DTNA: variants seen among roughly 807,000 people sequenced by gnomAD.
The protein encoded by DTNA is dystrobrevin alpha.
A neutral mutation model predicts 100.7 loss-of-function variants in DTNA; 43 were observed. The observed-to-expected ratio is 0.43, with a 90% CI of 0.33 to 0.55. The LOEUF (loss-of-function observed/expected upper bound fraction) is 0.55, where lower values mean the gene tolerates loss of function less well. Ranked by LOEUF, DTNA falls within the 20% of genes least tolerant of loss-of-function variation. The pLI is 0.04. For missense variants in DTNA, 798 were observed against 953.9 expected, an observed-to-expected ratio of 0.84 and a Z score of 2.15; for synonymous variants, 349 against 347.9, an observed-to-expected ratio of 1.00 and a Z score of -0.04.
At chr18:34,763,397 A>T (rs1018272068) in intron 2 of DTNA, among the ~76,000 whole-genome samples, 2 of 152,230 alleles carry the variant, frequency 1.3e-5, no homozygotes, top group Non-Finnish European at 2.9e-5. Context: ...TAAAAGATTC[A>T]GAAAAGTTCC....
chr18:34,549,792 TTA>T (rs1372272048), intron 1 of DTNA, among the ~76,000 whole-genome samples: 5 of 152,134 alleles, frequency 3.3e-5, no homozygotes, highest in African/African-American at 7.2e-5. Context: ...CTATTGCCTT[TTA>T]TTACTAATGA....
At chr18:34,620,376 G>C (rs2056239651) in intron 1 of DTNA, among the ~76,000 whole-genome samples, 1 of 152,136 alleles carries the variant, frequency 6.6e-6, no homozygotes, top group Non-Finnish European at 1.5e-5. Flanking sequence ...TCATGGAAAT[G>C]GATAATTTGA....
intron 18 of DTNA, among the ~76,000 whole-genome samples, chr18:34,877,074 GTTCCAATTTATAGTACCAGA>G (rs1177571818): frequency 1.3e-5 from 2 of 152,158 alleles, no homozygotes; most frequent in Non-Finnish European, 2.9e-5. Flanking sequence ...CATAGTCTAA[GTTCCAATTTATAGTACCAGA>G]CATGCATCTG....
intron 3 of DTNA, among the ~76,000 whole-genome samples, chr18:34,788,046 G>A (rs1408619570): frequency 1.3e-5 from 2 of 152,130 alleles, no homozygotes; most frequent in Non-Finnish European, 2.9e-5. Flanking sequence ...ATAGATGAGG[G>A]AATTCCTCCT....
At chr18:34,559,703 T>C (rs944053547) in intron 1 of DTNA, among the ~76,000 whole-genome samples, 32 of 152,198 alleles carry the variant, frequency 2.1e-4, no homozygotes, top group African/African-American at 7.7e-4. Flanking sequence ...CTCTTTCCCT[T>C]ACTGTAGTTC....
chr18:34,537,262 T>C (rs2043807593), intron 1 of DTNA, among the ~76,000 whole-genome samples: 2 of 151,994 alleles, frequency 1.3e-5, no homozygotes, highest in Non-Finnish European at 2.9e-5. Flanking sequence ...TAATCTATTC[T>C]TAAGGCAACA....
intron 1 of DTNA, among the ~76,000 whole-genome samples, chr18:34,516,614 G>C (rs1222765164): frequency 1.3e-5 from 2 of 152,018 alleles, no homozygotes; most frequent in Non-Finnish European, 1.5e-5. Flanking sequence ...CCCTAGGAAC[G>C]CATTCTCTTT....
intron 1 of DTNA, among the ~76,000 whole-genome samples, chr18:34,643,142 T>A (rs7244394): frequency 0.068 from 10,301 of 152,288 alleles, 1,072 homozygotes; most frequent in African/African-American, 0.23. Flanking sequence ...TACAGTGACT[T>A]TGTACCTAAG....
intron 1 of DTNA, among the ~76,000 whole-genome samples, chr18:34,582,007 G>A (rs767248034): frequency 3.9e-5 from 6 of 152,054 alleles, no homozygotes; most frequent in Non-Finnish European, 4.4e-5. Flanking sequence ...AAGCTATAAC[G>A]CAAACTTATA....
chr18:34,808,820 C>G (rs1282285950), intron 5 of DTNA, among the ~76,000 whole-genome samples: 1 of 152,130 alleles, frequency 6.6e-6, no homozygotes, highest in Non-Finnish European at 1.5e-5. Context: ...GCATGTGTCC[C>G]CTTGGAGGTA....
In DTNA at chr18:34,501,231, C is replaced by T. The variant is rs539300396; in HGVS notation, c.-2+7717C>T. Among the ~76,000 whole-genome samples, 6 of 152,128 alleles carry T rather than the reference C, an allele frequency of 3.9e-5. No individual in the cohort carries two copies. The South Asian group carries it at 1.2e-3, about 32-fold the overall frequency. On this transcript the variant is annotated intron_variant, in intron 1 of 19. Transcript: ENST00000283365. Reference sequence around the variant, plus strand: ...CAAATGATGTGATCATATGATTTTTCTTCTTTAGCTTCTTTATATGATGGA... The same window carrying T: ...CAAATGATGTGATCATATGATTTTTTTTCTTTAGCTTCTTTATATGATGGA...
intron 1 of DTNA, among the ~76,000 whole-genome samples, chr18:34,727,852 A>G (rs578011321): frequency 3.6e-4 from 55 of 152,312 alleles, no homozygotes; most frequent in African/African-American, 1.3e-3. Flanking sequence ...GGTGTGAGCC[A>G]CTGCACTCAG....
upstream of DTNA, among the ~76,000 whole-genome samples, chr18:34,707,830 G>A (rs1348500816): frequency 6.6e-6 from 1 of 152,172 alleles, no homozygotes; most frequent in Non-Finnish European, 1.5e-5. Flanking sequence ...TTCCGGTGTA[G>A]CTGCTCCTTG....
chr18:34,604,898 A>G (rs896337077), intron 1 of DTNA, among the ~76,000 whole-genome samples: 7 of 152,196 alleles, frequency 4.6e-5, no homozygotes, highest in African/African-American at 1.4e-4. Flanking sequence ...GTCTTAGGCC[A>G]TAACTTATTC....
At chr18:34,647,601 C>T (rs148889104) in intron 1 of DTNA, among the ~76,000 whole-genome samples, 206 of 152,258 alleles carry the variant, frequency 1.4e-3, no homozygotes, top group African/African-American at 4.6e-3. Flanking sequence ...TCCATATGTT[C>T]CTAAAAATGA....
chr18:34,885,387 C>G (rs2150458553), intron 22 of DTNA, among the ~76,000 whole-genome samples: 1 of 152,206 alleles, frequency 6.6e-6, no homozygotes, highest in Non-Finnish European at 1.5e-5. Context: ...GAAACCACTC[C>G]AAAGCCCTAC....
At chr18:34,731,605 G>A (rs946726964) in intron 1 of DTNA, among the ~76,000 whole-genome samples, 1 of 152,134 alleles carries the variant, frequency 6.6e-6, no homozygotes, top group African/African-American at 2.4e-5. Context: ...TTCTGTATTG[G>A]GTAGCCAGTG....
At chr18:34,775,491 T>A (rs886363804) in intron 3 of DTNA, among the ~76,000 whole-genome samples, 19 of 151,540 alleles carry the variant, frequency 1.3e-4, no homozygotes, top group Admixed American at 2.6e-4. Context: ...CAAAAAAAAA[T>A]AAAAATAAAT....
chr18:34,637,259 A>G (rs2058762258), intron 1 of DTNA, among the ~76,000 whole-genome samples: 1 of 152,122 alleles, frequency 6.6e-6, no homozygotes, highest in Non-Finnish European at 1.5e-5. Context: ...TGTCAGTGGC[A>G]TACTCTGCTA....
Sources: gnomAD v4.1 joint callset for allele counts (sites outside exome capture counted in the v4.1 genomes callset) on GRCh38, gnomAD v4.1.1 for gene constraint, MANE v1.5 for transcripts, NCBI Gene and HGNC (gene_info 2026-07-23, HGNC 2026-07-21) for gene names.